The following HMCN1 variants were observed in gnomAD, a reference collection of about 807,000 sequenced individuals.
The protein encoded by HMCN1 is hemicentin-1.
HMCN1 carries 321 observed loss-of-function variants against 625.9 expected under a neutral mutation model. That is an observed-to-expected ratio of 0.51 (90% CI 0.47 to 0.56). HMCN1 has a LOEUF of 0.56. HMCN1 is among the 20% of genes least tolerant of loss of function. The pLI, the probability that HMCN1 is intolerant of heterozygous loss-of-function variation, is 0.00. For synonymous variants in HMCN1, 2,425 were observed against 2,417.6 expected (o/e 1.00, Z -0.09); for missense variants, 6,588 against 6,887.3 (o/e 0.96, Z 1.54).
intron 103 of HMCN1, among the ~76,000 whole-genome samples, chr1:186,176,299 T>G (rs1260657043): frequency 6.6e-6 from 1 of 152,206 alleles, no homozygotes. Context: ...AAAATAAAAT[T>G]TTAAAGTCTG....
At chr1:186,094,230 G>T (rs1182561423) in intron 66 of HMCN1, 46 bp from the exon 67 acceptor site, 2 of 1,361,958 alleles carry the variant, frequency 1.5e-6, no homozygotes, top group African/African-American at 2.9e-5. Flanking sequence ...ATGTGTACTT[G>T]TTGTATGGGA....
chr1:185,863,722 T>C (rs769521339), intron 2 of HMCN1, among the ~76,000 whole-genome samples: 2 of 152,196 alleles, frequency 1.3e-5, no homozygotes, highest in Non-Finnish European at 2.9e-5. Flanking sequence ...AGTTTTTGTT[T>C]AGGAAAACAT....
At chr1:185,805,869 GT>G (rs537304275) in intron 1 of HMCN1, among the ~76,000 whole-genome samples, 136 of 152,214 alleles carry the variant, frequency 8.9e-4, no homozygotes, top group African/African-American at 3.1e-3. Flanking sequence ...GACAAAATAT[GT>G]GCTCTAATCA....
intron 37 of HMCN1, among the ~76,000 whole-genome samples, chr1:186,038,407 G>T (rs746298485): frequency 6.6e-6 from 1 of 151,976 alleles, no homozygotes; most frequent in Non-Finnish European, 1.5e-5. Flanking sequence ...ACTTTGTTTT[G>T]TATATTCCCA....
intron 93 of HMCN1, among the ~76,000 whole-genome samples, chr1:186,146,289 A>C (rs1391364546): frequency 2.0e-5 from 3 of 152,238 alleles, no homozygotes; most frequent in Admixed American, 6.5e-5. Flanking sequence ...TTTGAATGAC[A>C]TGAGCGTGGG....
intron 48 of HMCN1, among the ~76,000 whole-genome samples, chr1:186,064,300 T>C (rs981466233): frequency 2.0e-5 from 3 of 152,120 alleles, no homozygotes; most frequent in South Asian, 2.1e-4. Context: ...ATATTTAACA[T>C]AGATCTCATT....
At chr1:185,980,605 A>T (rs1651553336) in intron 16 of HMCN1, among the ~76,000 whole-genome samples, 1 of 151,278 alleles carries the variant, frequency 6.6e-6, no homozygotes, top group Admixed American at 6.6e-5. Flanking sequence ...GGTGGTGCAG[A>T]GCACCACCAT....
chr1:185,752,301 TAA>T (rs1470929234), intron 1 of HMCN1, among the ~76,000 whole-genome samples: 1 of 152,106 alleles, frequency 6.6e-6, no homozygotes, highest in African/African-American at 2.4e-5. Context: ...CTCAGCTTTA[TAA>T]AAGAGTACTC....
intron 4 of HMCN1, among the ~76,000 whole-genome samples, 168 bp from the exon 5 acceptor site, chr1:185,909,169 A>G (rs16824729): frequency 0.063 from 9,638 of 152,148 alleles, 1,068 homozygotes; most frequent in African/African-American, 0.22. Flanking sequence ...TTGAATGTAC[A>G]CTAACCAGAA....
At chr1:186,094,724 A>G (rs1187676477) in intron 67 of HMCN1, among the ~76,000 whole-genome samples, 1 of 152,178 alleles carries the variant, frequency 6.6e-6, no homozygotes, top group Non-Finnish European at 1.5e-5. Flanking sequence ...CTATGAATGG[A>G]TGCATGTGCA....
At chr1:186,039,947 A>G in intron 39 of HMCN1, 68 bp downstream of exon 39, 1 of 1,438,014 alleles carries the variant, frequency 7.0e-7, no homozygotes, top group Non-Finnish European at 9.8e-7. Context: ...ACACACAGGT[A>G]AAACTGTTGA....
In HMCN1 at chr1:186,178,597, C is replaced by T. The variant is rs753660962; in HGVS notation, c.16125C>T (p.Phe5375=). The change falls in exon 104 of 107, where the codon TTC becomes TTT. Residue 5375 remains phenylalanine, a synonymous_variant. Coordinates refer to ENST00000271588, the MANE Select transcript of HMCN1 (RefSeq NM_031935.3). ...TQYSSYNLAR[F]SPVRNNYQPQ... is the part of the protein sequence containing the mutation. ...ACAGTAGCTATAACCTTGCACGGTT[C>T]TCCCCTGTGAGAAACAACTATCAAC... 6.2e-7 allele frequency: 1 copy of T among 1,614,016 alleles called. No homozygotes were observed. The highest frequency in any genetic ancestry group is 1.3e-5 in the African/African-American group (1 of 74,916).
intron 97 of HMCN1, among the ~76,000 whole-genome samples, chr1:186,154,511 A>T (rs1459002774): frequency 5.9e-5 from 9 of 152,188 alleles, no homozygotes; most frequent in Non-Finnish European, 1.0e-4. Context: ...AACAAAGAGC[A>T]AAACTCCATC....
intron 4 of HMCN1, among the ~76,000 whole-genome samples, chr1:185,889,499 A>T (rs978635894): frequency 2.1e-5 from 3 of 141,688 alleles, no homozygotes; most frequent in Non-Finnish European, 4.4e-5. Context: ...TACCTAATTT[A>T]TTGAGAGTTT....
At chr1:186,154,080 A>C in intron 97 of HMCN1, 93 bp downstream of exon 97, 1 of 994,888 alleles carries the variant, frequency 1.0e-6, no homozygotes, top group Non-Finnish European at 1.6e-6. Context: ...TACATCTAAC[A>C]TGATATCAGG....
rs1053487206 is a variant in HMCN1, at chr1:185,793,918, A to C, written c.269-52108A>C. 5.9e-5 allele frequency among the ~76,000 whole-genome samples: 9 copies of C among 152,172 alleles called. No homozygotes were observed. In the East Asian group the frequency reaches 1.7e-3, roughly 29 times the overall value. On this transcript the variant is annotated intron_variant, in intron 1 of 106. Transcript: ENST00000271588. ...CTCACAGTTCAGAACCAGTGAGTTG[A>C]ATTTTTACTAAGAACTATCAGAAAG...
chr1:186,114,501 C>T (rs1039264373), intron 73 of HMCN1, among the ~76,000 whole-genome samples: 14 of 152,088 alleles, frequency 9.2e-5, no homozygotes, highest in African/African-American at 2.7e-4. Flanking sequence ...TCAGGTGATC[C>T]GCCCACCTCA....
chr1:186,178,464 C>A lies in HMCN1; in HGVS notation c.15992C>A (p.Ser5331Tyr). 1 of 1,614,006 alleles carries A rather than the reference C, an allele frequency of 6.2e-7. No homozygotes were observed. Among genetic ancestry groups the A allele is most frequent in the Non-Finnish European group, 8.5e-7 (1 of 1,179,972 alleles). The change falls in exon 104 of 107, where the codon TCC becomes TAC. Residue 5331 changes from serine (S) to tyrosine (Y), a missense_variant. Ser to Tyr is a moderately radical substitution (Grantham distance 144). Transcript: ENST00000271588. ...QVPKPCAHQC[S>Y]NTPGSFKCIC... Reference sequence around the variant, plus strand: ...CCTAAACCTTGTGCACATCAGTGCTCCAACACCCCCGGCAGCTTCAAGTGT... The same window carrying A: ...CCTAAACCTTGTGCACATCAGTGCTACAACACCCCCGGCAGCTTCAAGTGT...
Position 186,087,213 on chromosome 1 carries a change from A to G in HMCN1, c.9047-4A>G, listed in dbSNP as rs1327613542. On this transcript the variant is annotated splice_region_variant and splice_polypyrimidine_tract_variant and intron_variant, in intron 58 of 106. Transcript: ENST00000271588. ...TCTACAATTTGCATTCTATTTACCT[A>G]CAGGTGGTCGAACTCTACAGATTAT... is the stretch of plus-strand genomic sequence containing the variant. 4 of 1,585,372 alleles carry G rather than the reference A, an allele frequency of 2.5e-6. No individual in the cohort carries two copies. Among genetic ancestry groups the G allele is most frequent in the Admixed American group, 1.7e-5 (1 of 59,802 alleles).
Sources: gnomAD v4.1 joint callset for allele counts (sites outside exome capture counted in the v4.1 genomes callset) on GRCh38, gnomAD v4.1.1 for gene constraint, MANE v1.5 for transcripts, NCBI Gene and HGNC (gene_info 2026-07-23, HGNC 2026-07-21) for gene names.